WASF2: variants seen among roughly 807,000 people sequenced by gnomAD.
WASF2 encodes the protein actin-binding protein WASF2.
In WASF2, 14 loss-of-function variants were observed where a neutral mutation model predicts 45.0. That is an observed-to-expected ratio of 0.31 (90% CI 0.21 to 0.49). The LOEUF (loss-of-function observed/expected upper bound fraction) is 0.49, where lower values mean the gene tolerates loss of function less well. WASF2 is among the 20% of genes least tolerant of loss of function. The pLI, the probability that WASF2 is intolerant of heterozygous loss-of-function variation, is 0.99. For synonymous variants in WASF2, 200 were observed against 236.3 expected (o/e 0.85, Z 1.41); for missense variants, 439 against 636.1 (o/e 0.69, Z 3.33).
chr1:27,418,870 T>G, intron 3 of WASF2, 84 bp downstream of exon 3: 2 of 1,480,494 alleles, frequency 1.4e-6, no homozygotes, highest in Non-Finnish European at 1.8e-6. Flanking sequence ...TCCTCACGTT[T>G]TTTTTTTTTT....
chr1:27,484,768 C>G (rs2017899587), intron 1 of WASF2, among the ~76,000 whole-genome samples: 1 of 147,058 alleles, frequency 6.8e-6, no homozygotes, highest in Admixed American at 6.7e-5. Context: ...GCCGAGATCA[C>G]GCCACTGCAC....
At chr1:27,417,732 C>G (rs2016846096) in intron 4 of WASF2, among the ~76,000 whole-genome samples, 1 of 152,160 alleles carries the variant, frequency 6.6e-6, no homozygotes, top group African/African-American at 2.4e-5. Flanking sequence ...AAAGGATGTT[C>G]AAAACAAAGT....
chr1:27,461,130 A>C (rs1009353133), intron 1 of WASF2, among the ~76,000 whole-genome samples: 2 of 152,156 alleles, frequency 1.3e-5, no homozygotes, highest in Non-Finnish European at 2.9e-5. Flanking sequence ...TGGGTGACAG[A>C]GCAAGACTCC....
intron 1 of WASF2, among the ~76,000 whole-genome samples, chr1:27,489,546 G>T (rs1171636727): frequency 2.0e-5 from 3 of 151,986 alleles, no homozygotes; most frequent in East Asian, 3.9e-4. Flanking sequence ...ATGGTCCAGA[G>T]ATGGAAACTG....
At chr1:27,449,085 G>A (rs2017347731) in intron 1 of WASF2, among the ~76,000 whole-genome samples, 1 of 152,042 alleles carries the variant, frequency 6.6e-6, no homozygotes, top group African/African-American at 2.4e-5. Context: ...CTCTTGATAG[G>A]CCTTGCCCCA....
chr1:27,440,923 G>A (rs529051392), intron 1 of WASF2, among the ~76,000 whole-genome samples: 31 of 151,988 alleles, frequency 2.0e-4, no homozygotes, highest in African/African-American at 7.5e-4. Context: ...CTGGAGTGCA[G>A]TAGCACAATC....
At chr1:27,409,496 G>T (rs1436673707) in intron 8 of WASF2, among the ~76,000 whole-genome samples, 196 bp downstream of exon 8, 1 of 124,532 alleles carries the variant, frequency 8.0e-6, no homozygotes, top group African/African-American at 2.9e-5. Context: ...AAGGTGGAAA[G>T]AAATCTAAAT....
chr1:27,471,277 G>A (rs1054393660), intron 1 of WASF2, among the ~76,000 whole-genome samples: 23 of 149,102 alleles, frequency 1.5e-4, no homozygotes, highest in African/African-American at 3.7e-4. Context: ...CCCGGGAGGC[G>A]GAGCTTGCAG....
intron 1 of WASF2, among the ~76,000 whole-genome samples, chr1:27,488,190 A>G (rs1027785433): frequency 1.3e-5 from 2 of 152,068 alleles, no homozygotes; most frequent in Non-Finnish European, 2.9e-5. Flanking sequence ...TCCACTACTG[A>G]CATATGAGAA....
At chr1:27,473,925 C>T (rs991278147) in intron 1 of WASF2, among the ~76,000 whole-genome samples, 1 of 152,206 alleles carries the variant, frequency 6.6e-6, no homozygotes, top group African/African-American at 2.4e-5. Flanking sequence ...CACGCACCCA[C>T]ACTCACTCAG....
intron 1 of WASF2, among the ~76,000 whole-genome samples, chr1:27,469,965 C>G (rs1319307627): frequency 6.6e-6 from 1 of 151,666 alleles, no homozygotes; most frequent in Non-Finnish European, 1.5e-5. Context: ...GGTGAAGTTA[C>G]GGTTTAAGTA....
intron 1 of WASF2, among the ~76,000 whole-genome samples, chr1:27,451,009 G>C (rs1209709949): frequency 6.6e-6 from 1 of 151,592 alleles, no homozygotes; most frequent in Non-Finnish European, 1.5e-5. Flanking sequence ...CCAGGAATTT[G>C]AGGCCAGCCT....
chr1:27,455,410 C>T (rs1187596663), intron 1 of WASF2, among the ~76,000 whole-genome samples: 1 of 152,120 alleles, frequency 6.6e-6, no homozygotes, highest in African/African-American at 2.4e-5. Flanking sequence ...CATATATCAA[C>T]ACATGACATA....
intron 1 of WASF2, among the ~76,000 whole-genome samples, chr1:27,473,625 A>G (rs888316052): frequency 2.3e-4 from 35 of 152,164 alleles, no homozygotes; most frequent in Non-Finnish European, 5.0e-4. Context: ...ATGTATAACA[A>G]AACCAATTTT....
At chr1:27,456,943 T>C (rs911591347) in intron 1 of WASF2, among the ~76,000 whole-genome samples, 4 of 152,092 alleles carry the variant, frequency 2.6e-5, no homozygotes, top group African/African-American at 9.7e-5. Context: ...TGTTTTGTCA[T>C]GTTGGCCAGG....
intron 2 of WASF2, among the ~76,000 whole-genome samples, chr1:27,421,277 C>G (rs1321951218): frequency 6.6e-6 from 1 of 152,224 alleles, no homozygotes; most frequent in Non-Finnish European, 1.5e-5. Context: ...GAAAACCATA[C>G]TGTATCATGC....
At chr1:27,478,801 C>T (rs1171526988) in intron 1 of WASF2, among the ~76,000 whole-genome samples, 2 of 151,878 alleles carry the variant, frequency 1.3e-5, no homozygotes, top group Non-Finnish European at 2.9e-5. Flanking sequence ...TCAGGCTGGT[C>T]TCCAATTCCC....
intron 5 of WASF2, 46 bp from the exon 6 acceptor site, chr1:27,415,009 G>C (rs1362340003): frequency 6.2e-7 from 1 of 1,604,776 alleles, no homozygotes; most frequent in Admixed American, 1.7e-5. Flanking sequence ...CATTTTCCAA[G>C]TTCTTCATTA....
At chr1:27,450,004 T>C (rs2017362909) in intron 1 of WASF2, among the ~76,000 whole-genome samples, 1 of 152,038 alleles carries the variant, frequency 6.6e-6, no homozygotes, top group South Asian at 2.1e-4. Flanking sequence ...ATTAGCTGGG[T>C]GTGGTGGCAG....
Sources: gnomAD v4.1 joint callset for allele counts (sites outside exome capture counted in the v4.1 genomes callset) on GRCh38, gnomAD v4.1.1 for gene constraint, MANE v1.5 for transcripts, NCBI Gene and HGNC (gene_info 2026-07-23, HGNC 2026-07-21) for gene names.